The following PPP4R4 variants were observed in gnomAD, a reference collection of about 807,000 sequenced individuals.
PPP4R4 encodes the protein protein phosphatase 4 regulatory subunit 4.
Under a neutral mutation model 121.8 loss-of-function variants are expected in PPP4R4, and 70 were observed. That is an observed-to-expected ratio of 0.57 (90% CI 0.47 to 0.70). PPP4R4 has a LOEUF of 0.70. Among genes scored for constraint, PPP4R4 ranks in the 30% least tolerant of loss-of-function variants. PPP4R4 has a pLI of 0.00. For missense variants in PPP4R4, 875 were observed against 1,033.6 expected, an observed-to-expected ratio of 0.85 and a Z score of 2.10; for synonymous variants, 348 against 355.7, an observed-to-expected ratio of 0.98 and a Z score of 0.24.
At position 94,174,491 on chromosome 14, in the gene PPP4R4, C is replaced by T. The variant is rs2139359937; in HGVS notation, c.26C>T (p.Ala9Val). The T allele has an allele frequency of 6.2e-7, 1 of 1,607,022 alleles. No homozygotes were observed. The highest frequency in any genetic ancestry group is 1.4e-5 in the African/African-American group (1 of 74,058). The change falls in exon 1 of 25, where the codon GCG (alanine) becomes GTG (valine). Residue 9 changes from alanine to valine, a missense_variant. Coordinates refer to ENST00000304338, the MANE Select transcript of PPP4R4 (RefSeq NM_058237.2). Reference sequence around the variant, plus strand: ...ATGCATCCGCCGCCGCCCGCCGCCGCGATGGATTTCAGTCAGAACAGCCTG... The same window carrying T: ...ATGCATCCGCCGCCGCCCGCCGCCGTGATGGATTTCAGTCAGAACAGCCTG... MHPPPPAA[A>V]MDFSQNSLFG... is the part of the protein sequence containing the mutation.
intron 1 of PPP4R4, among the ~76,000 whole-genome samples, chr14:94,175,162 A>C (rs1424455700): frequency 1.1e-4 from 11 of 98,526 alleles, no homozygotes; most frequent in Non-Finnish European, 1.9e-4. Flanking sequence ...CCGTCCCCTC[A>C]CCCCCAGCCC....
chr14:94,220,532 G>A (rs1027507834), intron 3 of PPP4R4, among the ~76,000 whole-genome samples: 19 of 151,996 alleles, frequency 1.3e-4, no homozygotes, highest in Admixed American at 1.2e-3. Context: ...ACTTCCAAGC[G>A]AGTATAGAAA....
At chr14:94,197,328 C>T (rs1005591227) in intron 2 of PPP4R4, among the ~76,000 whole-genome samples, 9 of 152,128 alleles carry the variant, frequency 5.9e-5, no homozygotes, top group African/African-American at 2.2e-4. Flanking sequence ...GCCATTCACA[C>T]GTGGCATGCA....
At chr14:94,176,300 T>C (rs1254546621) in intron 2 of PPP4R4, among the ~76,000 whole-genome samples, 173 bp downstream of exon 2, 1 of 152,240 alleles carries the variant, frequency 6.6e-6, no homozygotes, top group Non-Finnish European at 1.5e-5. Flanking sequence ...GCTATGGACT[T>C]ATGACTTTGA....
chr14:94,185,584 G>C (rs891641267), intron 2 of PPP4R4, among the ~76,000 whole-genome samples: 5 of 152,320 alleles, frequency 3.3e-5, no homozygotes, highest in African/African-American at 1.2e-4. Flanking sequence ...GGAAATGTAT[G>C]TATAGGGCAC....
At chr14:94,221,664 A>G (rs1320000661) in intron 3 of PPP4R4, among the ~76,000 whole-genome samples, 1 of 152,092 alleles carries the variant, frequency 6.6e-6, no homozygotes, top group Non-Finnish European at 1.5e-5. Context: ...TGTACTAAAA[A>G]TAACAAAAAA....
chr14:94,268,383 A>G (rs1894151933), intron 23 of PPP4R4, among the ~76,000 whole-genome samples: 1 of 152,218 alleles, frequency 6.6e-6, no homozygotes, highest in Admixed American at 6.5e-5. Flanking sequence ...TGTCTAAATC[A>G]TTAAGAATAT....
At chr14:94,245,067 T>C in intron 12 of PPP4R4, among the ~76,000 whole-genome samples, 1 of 152,142 alleles carries the variant, frequency 6.6e-6, no homozygotes, top group East Asian at 1.9e-4. Flanking sequence ...GGTTTTTATT[T>C]TACTCAATTG....
At chr14:94,252,718 A>G (rs1893251159) in intron 16 of PPP4R4, among the ~76,000 whole-genome samples, 1 of 152,222 alleles carries the variant, frequency 6.6e-6, no homozygotes, top group Non-Finnish European at 1.5e-5. Flanking sequence ...TGCAGGAAAG[A>G]GAGACATCAG....
chr14:94,251,483 A>T (rs1344352156), intron 15 of PPP4R4, among the ~76,000 whole-genome samples: 5 of 151,318 alleles, frequency 3.3e-5, no homozygotes, highest in Admixed American at 2.6e-4. Flanking sequence ...GATAAAAAGT[A>T]GTAAATACAG....
At chr14:94,217,995 A>T (rs775740244) in intron 3 of PPP4R4, among the ~76,000 whole-genome samples, 2 of 152,214 alleles carry the variant, frequency 1.3e-5, no homozygotes, top group African/African-American at 2.4e-5. Context: ...ACACTGTCTC[A>T]AATGAAAAAA....
At chr14:94,265,040 A>G (rs1397756092) in intron 20 of PPP4R4, 93 bp downstream of exon 20, 2 of 1,111,608 alleles carry the variant, frequency 1.8e-6, no homozygotes, top group African/African-American at 1.6e-5. Flanking sequence ...TTTATTTGAT[A>G]TGGAAAATTG....
intron 3 of PPP4R4, among the ~76,000 whole-genome samples, chr14:94,224,646 C>T (rs1891597076): frequency 6.6e-6 from 1 of 152,126 alleles, no homozygotes; most frequent in East Asian, 1.9e-4. Context: ...CCAGGTGTTA[C>T]AGGAAATACT....
At chr14:94,185,674 A>T (rs1034472551) in intron 2 of PPP4R4, among the ~76,000 whole-genome samples, 6 of 152,104 alleles carry the variant, frequency 3.9e-5, no homozygotes, top group Non-Finnish European at 8.8e-5. Flanking sequence ...TTAGGAACAT[A>T]TTTTACTTTG....
intron 3 of PPP4R4, among the ~76,000 whole-genome samples, chr14:94,224,714 G>A (rs1891600042): frequency 6.6e-6 from 1 of 152,126 alleles, no homozygotes; most frequent in South Asian, 2.1e-4. Flanking sequence ...CCGAAGTAGA[G>A]TTTGCAGAGA....
At chr14:94,224,253 A>G (rs545825137) in intron 3 of PPP4R4, among the ~76,000 whole-genome samples, 1 of 152,194 alleles carries the variant, frequency 6.6e-6, no homozygotes, top group Non-Finnish European at 1.5e-5. Context: ...CCTTAGGTGC[A>G]TTATGCAAGA....
chr14:94,183,824 A>T (rs1889117051), intron 2 of PPP4R4, among the ~76,000 whole-genome samples: 1 of 152,054 alleles, frequency 6.6e-6, no homozygotes, highest in Non-Finnish European at 1.5e-5. Context: ...AAAAAAGCCT[A>T]TACAATTCTG....
intron 2 of PPP4R4, among the ~76,000 whole-genome samples, chr14:94,180,919 G>A (rs964915860): frequency 3.3e-5 from 5 of 152,150 alleles, no homozygotes; most frequent in African/African-American, 1.2e-4. Context: ...AAATAAACAA[G>A]TGTTGTACCA....
chr14:94,192,755 G>C (rs1417627900), intron 2 of PPP4R4, among the ~76,000 whole-genome samples: 2 of 152,116 alleles, frequency 1.3e-5, no homozygotes, highest in African/African-American at 4.8e-5. Context: ...GATAGCATCT[G>C]CTCATCTCCT....
Sources: allele counts gnomAD v4.1 joint callset (sites outside exome capture counted in the v4.1 genomes callset), GRCh38; gene constraint gnomAD v4.1.1; transcripts MANE v1.5; gene names NCBI Gene and HGNC (gene_info 2026-07-23, HGNC 2026-07-21).